The following NUBPL variants were observed in gnomAD, a reference collection of about 807,000 sequenced individuals.
NUBPL encodes the protein iron-sulfur cluster transfer protein NUBPL.
Under a neutral mutation model 45.7 loss-of-function variants are expected in NUBPL, and 31 were observed. The ratio of observed to expected loss-of-function variants is 0.68; its 90% CI spans 0.51 to 0.92. NUBPL has a LOEUF of 0.92. Among genes scored for constraint, NUBPL ranks in the 40% least tolerant of loss-of-function variants. The pLI, the probability that NUBPL is intolerant of heterozygous loss-of-function variation, is 0.00. For synonymous variants in NUBPL, 144 were observed against 140.9 expected, an observed-to-expected ratio of 1.02 and a Z score of -0.15; for missense variants, 401 against 398.7, an observed-to-expected ratio of 1.01 and a Z score of -0.05.
intron 6 of NUBPL, among the ~76,000 whole-genome samples, chr14:31,680,664 T>C (rs1278707147): frequency 1.3e-5 from 2 of 152,086 alleles, no homozygotes; most frequent in South Asian, 2.1e-4. Flanking sequence ...CCATGAAGGC[T>C]CAAGTCTCTT....
chr14:31,604,537 G>A (rs2034531745), intron 4 of NUBPL, among the ~76,000 whole-genome samples: 1 of 152,166 alleles, frequency 6.6e-6, no homozygotes, highest in Non-Finnish European at 1.5e-5. Flanking sequence ...CCTCTGTTCT[G>A]GGACTAAGCT....
intron 6 of NUBPL, among the ~76,000 whole-genome samples, chr14:31,712,106 G>A (rs1315214399): frequency 6.6e-6 from 1 of 152,148 alleles, no homozygotes; most frequent in Non-Finnish European, 1.5e-5. Context: ...TGGCTGGGGT[G>A]GCCTGCTTTT....
At chr14:31,808,398 T>A (rs1336052343) in intron 7 of NUBPL, among the ~76,000 whole-genome samples, 1 of 152,198 alleles carries the variant, frequency 6.6e-6, no homozygotes, top group Non-Finnish European at 1.5e-5. Flanking sequence ...GTGAATGGGA[T>A]TCACTCACGA....
chr14:31,784,237 T>C (rs1566560184), intron 6 of NUBPL, among the ~76,000 whole-genome samples: 1 of 152,208 alleles, frequency 6.6e-6, no homozygotes, highest in South Asian at 2.1e-4. Context: ...TTATAACAAT[T>C]TAGTTACAGT....
intron 7 of NUBPL, among the ~76,000 whole-genome samples, chr14:31,808,829 G>T (rs1008123109): frequency 8.5e-5 from 13 of 152,124 alleles, no homozygotes; most frequent in African/African-American, 2.9e-4. Flanking sequence ...AGCATGAAGG[G>T]CTGTTGAATT....
In NUBPL at chr14:31,673,893, A is replaced by G. The variant is rs187196851; in HGVS notation, c.513+319A>G. Among the ~76,000 whole-genome samples, 914 of 152,276 alleles carry G rather than the reference A, an allele frequency of 6.0e-3. 9 individuals carry two copies. The highest frequency in any genetic ancestry group is 0.021 in the African/African-American group (854 of 41,558). On this transcript the variant is annotated intron_variant, in intron 6 of 10. Coordinates refer to ENST00000281081, the MANE Select transcript of NUBPL (RefSeq NM_025152.3). ...TCTTCCTTCTTTAGATTTGTGATTA[A>G]TCTCATTGTGGTCAATATTGAGTTA...
chr14:31,729,995 T>A (rs551210013), intron 6 of NUBPL, among the ~76,000 whole-genome samples: 2 of 152,204 alleles, frequency 1.3e-5, no homozygotes, highest in African/African-American at 4.8e-5. Context: ...TTCTAGTAGA[T>A]CCTTTTTATT....
intron 4 of NUBPL, among the ~76,000 whole-genome samples, chr14:31,646,316 A>G (rs897125353): frequency 1.1e-4 from 17 of 151,900 alleles, no homozygotes; most frequent in Non-Finnish European, 2.4e-4. Flanking sequence ...CCTCCCAAGT[A>G]GCTGGGATTA....
At chr14:31,668,816 T>C (rs948767033) in intron 4 of NUBPL, among the ~76,000 whole-genome samples, 4 of 152,154 alleles carry the variant, frequency 2.6e-5, no homozygotes, top group Non-Finnish European at 5.9e-5. Context: ...CCCTTGCACT[T>C]CCCAGATGAG....
Position 31,651,957 on chromosome 14 carries a change from A to G in NUBPL, c.383-21398A>G, listed in dbSNP as rs554057253. Among the ~76,000 whole-genome samples the G allele has an allele frequency of 2.6e-4, 40 of 152,216 alleles. 1 individual carries two copies. The South Asian group carries it at 7.7e-3, about 29-fold the overall frequency. Reference sequence around the variant, plus strand: ...CAAAGGATCTGAATAGACATTTCTCAAAAGAAGACATGCAAATGACCCATA... The same window carrying G: ...CAAAGGATCTGAATAGACATTTCTCGAAAGAAGACATGCAAATGACCCATA... On this transcript the variant is annotated intron_variant, in intron 4 of 10. Transcript: ENST00000281081.
chr14:31,841,909 ATTCTGGGCTTTTTTTTTTTTTTT>A (rs1435825634), intron 8 of NUBPL, among the ~76,000 whole-genome samples: 1 of 101,504 alleles, frequency 9.9e-6, no homozygotes, highest in Non-Finnish European at 1.9e-5. Context: ...GTATGGGTCG[ATTCTGGGCTTTTTTTTTTTTTTT>A]TTTTTTTTTT....
At chr14:31,739,941 T>C (rs565266920) in intron 6 of NUBPL, among the ~76,000 whole-genome samples, 118 of 152,312 alleles carry the variant, frequency 7.7e-4, no homozygotes, top group African/African-American at 2.7e-3. Context: ...CTTCTTTCAC[T>C]TAGCAGTAGC....
chr14:31,842,760 C>A (rs1043153187), intron 8 of NUBPL, among the ~76,000 whole-genome samples: 4 of 152,162 alleles, frequency 2.6e-5, no homozygotes, highest in Non-Finnish European at 5.9e-5. Context: ...TTCAGTTATA[C>A]ATCCTTATTA....
At chr14:31,779,886 T>TA (rs1424437640) in intron 6 of NUBPL, among the ~76,000 whole-genome samples, 1 of 152,184 alleles carries the variant, frequency 6.6e-6, no homozygotes, top group African/African-American at 2.4e-5. Flanking sequence ...GGAGTTTACT[T>TA]ACAGTCTTAA....
chr14:31,698,250 C>T (rs75755134), intron 6 of NUBPL, among the ~76,000 whole-genome samples: 6 of 151,892 alleles, frequency 4.0e-5, no homozygotes, highest in African/African-American at 9.7e-5. Flanking sequence ...TTAGATATGA[C>T]GAGATATAGT....
intron 6 of NUBPL, among the ~76,000 whole-genome samples, chr14:31,685,513 T>C (rs1253776107): frequency 6.6e-6 from 1 of 152,046 alleles, no homozygotes; most frequent in Non-Finnish European, 1.5e-5. Flanking sequence ...AAAGCCTTTT[T>C]TTTTCTTAAA....
chr14:31,610,052 A>T (rs899342930), intron 4 of NUBPL, among the ~76,000 whole-genome samples: 1 of 152,120 alleles, frequency 6.6e-6, no homozygotes, highest in Non-Finnish European at 1.5e-5. Flanking sequence ...TAGTAGAAGA[A>T]AAGACATAAT....
At chr14:31,696,283 AAG>A (rs2037213239) in intron 6 of NUBPL, among the ~76,000 whole-genome samples, 1 of 152,182 alleles carries the variant, frequency 6.6e-6, no homozygotes, top group Non-Finnish European at 1.5e-5. Flanking sequence ...TCATCTTTGG[AAG>A]AGGAAGGTAC....
At chr14:31,664,146 A>G (rs911277323) in intron 4 of NUBPL, among the ~76,000 whole-genome samples, 4 of 152,152 alleles carry the variant, frequency 2.6e-5, no homozygotes, top group African/African-American at 9.7e-5. Flanking sequence ...GACTCAGACA[A>G]TGGGGGTTTT....
Sources: gnomAD v4.1 joint callset for allele counts (sites outside exome capture counted in the v4.1 genomes callset) on GRCh38, gnomAD v4.1.1 for gene constraint, MANE v1.5 for transcripts, NCBI Gene and HGNC (gene_info 2026-07-23, HGNC 2026-07-21) for gene names.